SMPD3: variants seen among roughly 807,000 people sequenced by gnomAD.
The protein encoded by SMPD3 is sphingomyelin phosphodiesterase 3.
A neutral mutation model predicts 55.7 loss-of-function variants in SMPD3; 21 were observed. The ratio of observed to expected loss-of-function variants is 0.38; its 90% confidence interval spans 0.27 to 0.54. The LOEUF is 0.54. Among genes scored for constraint, SMPD3 ranks in the 20% least tolerant of loss-of-function variants. The pLI, the probability that SMPD3 is intolerant of heterozygous loss-of-function variation, is 0.80. For synonymous variants in SMPD3, 457 were observed against 404.3 expected, an observed-to-expected ratio of 1.13 and a Z score of -1.56; for missense variants, 842 against 899.6, an observed-to-expected ratio of 0.94 and a Z score of 0.82.
At chr16:68,399,785 G>A (rs1390588663) in intron 1 of SMPD3, among the ~76,000 whole-genome samples, 1 of 152,238 alleles carries the variant, frequency 6.6e-6, no homozygotes, top group African/African-American at 2.4e-5. Context: ...GGCCAGGTAT[G>A]GACTTTGCTT....
Position 68,360,479 on chromosome 16 carries a change from C to A in SMPD3, c.*727G>T. ...GTTGTGCCTGAGCTGGGGAAGGGAC[C>A]CTGTCTCGGGAAGAGCAAAGTTCTA... On this transcript the variant is annotated 3_prime_UTR_variant, in exon 9 of 9. Transcript: ENST00000219334. The A allele has an allele frequency of 6.6e-6, 1 of 152,596 alleles. No homozygotes were observed. The allele number at this position is 152,596 out of a possible 1,614,324, so 9.5% of individuals were successfully genotyped here.
At chr16:68,378,358 G>T (rs992122043) in intron 2 of SMPD3, among the ~76,000 whole-genome samples, 79 of 152,286 alleles carry the variant, frequency 5.2e-4, no homozygotes, top group African/African-American at 1.8e-3. Context: ...GACAGAAGCG[G>T]ATGCCTTTCT....
In SMPD3 at chr16:68,447,178, C is replaced by G. The variant is rs1248826564; in HGVS notation, c.-269+1175G>C. ...TCCTCTCGAGGATGCCTGGGCCGAG[C>G]GCGAAAGCCCCATGCCTTGGAACAG... On this transcript the variant is annotated intron_variant, in intron 1 of 8. Transcript: ENST00000219334. The surrounding 1 kb of genome is among the most constrained non-coding windows in gnomAD (Gnocchi z 5.1). 6.6e-6 allele frequency among the ~76,000 whole-genome samples: 1 copy of G among 152,150 alleles called. No individual in the cohort carries two copies.
intron 1 of SMPD3, among the ~76,000 whole-genome samples, chr16:68,427,759 G>T (rs1049482479): frequency 6.6e-5 from 10 of 151,106 alleles, no homozygotes; most frequent in Non-Finnish European, 8.8e-5. Flanking sequence ...GACTGGGGGG[G>T]GGTGCTGATG....
chr16:68,369,487 C>T (rs1178857092), intron 3 of SMPD3: 1 of 148,438 alleles, frequency 6.7e-6, no homozygotes, highest in Non-Finnish European at 1.5e-5. Flanking sequence ...TCTGAGCCAC[C>T]TGTAGTAGGG....
chr16:68,385,669 T>C (rs2090041962), intron 2 of SMPD3, among the ~76,000 whole-genome samples: 1 of 152,240 alleles, frequency 6.6e-6, no homozygotes, highest in African/African-American at 2.4e-5. Context: ...GAGTGGGCTC[T>C]TACAGTAGTC....
At chr16:68,383,043 T>G (rs1280942867) in intron 2 of SMPD3, among the ~76,000 whole-genome samples, 1 of 152,206 alleles carries the variant, frequency 6.6e-6, no homozygotes, top group Non-Finnish European at 1.5e-5. Context: ...TCCACCATGT[T>G]GGCCAGGCTG....
chr16:68,435,344 A>G (rs2090514082), intron 1 of SMPD3, among the ~76,000 whole-genome samples: 1 of 152,198 alleles, frequency 6.6e-6, no homozygotes, highest in Admixed American at 6.5e-5. Flanking sequence ...TGTAAATGGA[A>G]TTTCAGTGAG....
In SMPD3 at chr16:68,404,961, C is replaced by T. The variant is rs1597650022; in HGVS notation, c.-268-18302G>A. 6.6e-6 allele frequency among the ~76,000 whole-genome samples: 1 copy of T among 152,226 alleles called. No individual in the cohort carries two copies. Among genetic ancestry groups the T allele is most frequent in the East Asian group, 1.9e-4 (1 of 5,194 alleles). On this transcript the variant is annotated intron_variant, in intron 1 of 8. Coordinates refer to ENST00000219334, the MANE Select transcript of SMPD3 (RefSeq NM_018667.4). The surrounding 1 kb of genome is among the most constrained non-coding windows in gnomAD (Gnocchi z 4.0). ...CCTGTGGGCCAAGCGGATGTAGGAC[C>T]TGGCTCTTATCCGGGCATTTGGTAA...
At position 68,404,426 on chromosome 16, in the gene SMPD3, G is replaced by A. The variant is rs1218521417; in HGVS notation, c.-268-17767C>T. 1.3e-5 allele frequency among the ~76,000 whole-genome samples: 2 copies of A among 152,146 alleles called. No individual in the cohort carries two copies. The highest frequency in any genetic ancestry group is 2.9e-5 in the Non-Finnish European group (2 of 68,018). On this transcript the variant is annotated intron_variant, in intron 1 of 8. Coordinates refer to ENST00000219334, the MANE Select transcript of SMPD3 (RefSeq NM_018667.4). The surrounding 1 kb of genome is among the most constrained non-coding windows in gnomAD (Gnocchi z 4.0). The stretch of plus-strand genomic sequence containing the variant: ...TCATCGTGTTGCCCAGGCTGGTCCT[G>A]AACTCCTGGGCTCAAGGGATTCGCT...
rs75156118 is a variant in SMPD3 at position 68,423,477 on chromosome 16, A to C, written c.-269+24876T>G. Among the ~76,000 whole-genome samples, 4 of 152,088 alleles carry C rather than the reference A, an allele frequency of 2.6e-5. No homozygotes were observed. The East Asian group carries it at 7.7e-4, about 29-fold the overall frequency. On this transcript the variant is annotated intron_variant, in intron 1 of 8. Coordinates refer to ENST00000219334, the MANE Select transcript of SMPD3 (RefSeq NM_018667.4). ...AGAGATCTGAGCTGGCATACTCTCT[A>C]TCTCTCTCCATCTTCTACCATATTA...
At chr16:68,443,175 A>C (rs911419342) in intron 1 of SMPD3, among the ~76,000 whole-genome samples, 2 of 152,316 alleles carry the variant, frequency 1.3e-5, no homozygotes, top group Admixed American at 6.5e-5. Flanking sequence ...TTAGGAGGAC[A>C]AGACTTGTGG....
At chr16:68,417,162 A>G (rs2090346459) in intron 1 of SMPD3, among the ~76,000 whole-genome samples, 1 of 152,158 alleles carries the variant, frequency 6.6e-6, no homozygotes, top group South Asian at 2.1e-4. Context: ...TACCAAGGCC[A>G]GGTCCCTTGG....
chr16:68,364,719 G>A, intron 5 of SMPD3, 32 bp downstream of exon 5: 2 of 1,594,644 alleles, frequency 1.3e-6, no homozygotes, highest in Non-Finnish European at 1.7e-6. Flanking sequence ...CCCCAGAGCT[G>A]GAGACCTGAG....
chr16:68,392,484 G>A (rs917255563), intron 1 of SMPD3, among the ~76,000 whole-genome samples: 3 of 152,162 alleles, frequency 2.0e-5, no homozygotes, highest in African/African-American at 4.8e-5. Context: ...ATGTAACCCT[G>A]ATAAGTTGAG....
chr16:68,408,700 A>G (rs548154149), intron 1 of SMPD3, among the ~76,000 whole-genome samples: 3 of 152,310 alleles, frequency 2.0e-5, no homozygotes, highest in Admixed American at 6.5e-5. Context: ...CTGCCCAGAC[A>G]GTGCCTGGTA....
At position 68,359,749 on chromosome 16, in the gene SMPD3, T is replaced by G. The variant is rs2089129071; in HGVS notation, c.*1457A>C. 1 of 152,556 alleles carries G rather than the reference T, an allele frequency of 6.6e-6. No homozygotes were observed. The highest frequency in any genetic ancestry group is 1.5e-5 in the Non-Finnish European group (1 of 68,096). 9.5% of individuals were successfully genotyped at this position (152,556 alleles called of 1,614,324 possible). A position where few individuals can be genotyped will look rare whatever the true frequency, so the allele number is the denominator to read the frequency against. On this transcript the variant is annotated 3_prime_UTR_variant, in exon 9 of 9. Coordinates refer to ENST00000219334, the MANE Select transcript of SMPD3 (RefSeq NM_018667.4). Reference sequence around the variant, plus strand: ...AGCGGGGATTGTCAAAAACAGTCCCTCAAGTTGAGTCTCGAACTTTGAAAC... The same window carrying G: ...AGCGGGGATTGTCAAAAACAGTCCCGCAAGTTGAGTCTCGAACTTTGAAAC...
chr16:68,363,752 T>C (rs1474778855), intron 6 of SMPD3, 25 bp downstream of exon 6: 1 of 1,549,478 alleles, frequency 6.5e-7, no homozygotes, highest in East Asian at 2.4e-5. Context: ...CCAGCTCCCA[T>C]CCTCCTCCCC....
At chr16:68,436,336 A>G (rs2090522819) in intron 1 of SMPD3, among the ~76,000 whole-genome samples, 2 of 152,144 alleles carry the variant, frequency 1.3e-5, no homozygotes, top group South Asian at 2.1e-4. Context: ...CCCAACACAC[A>G]AGAGCGTGCA....
Sources: gnomAD v4.1 joint callset for allele counts (sites outside exome capture counted in the v4.1 genomes callset) on GRCh38, gnomAD v4.1.1 for gene constraint, Gnocchi (gnomAD v3.1) non-coding constraint, MANE v1.5 for transcripts, NCBI Gene and HGNC (gene_info 2026-07-23, HGNC 2026-07-21) for gene names.